Variants in GRID2 observed in about 807,000 individuals in gnomAD.
GRID2 encodes glutamate receptor ionotropic, delta-2.
A neutral mutation model predicts 114.8 loss-of-function variants in GRID2; 33 were observed. That is an observed-to-expected ratio of 0.29 (90% CI 0.22 to 0.38). GRID2 has a LOEUF of 0.38. Ranked by LOEUF, GRID2 falls within the 10% of genes least tolerant of loss-of-function variation. The probability of loss-of-function intolerance (pLI) is 1.00; values close to 1 mark genes in which losing one functional copy is unlikely to be tolerated. For synonymous variants in GRID2, 505 were observed against 449.9 expected (o/e 1.12, Z -1.55); for missense variants, 1,184 against 1,257.7 (o/e 0.94, Z 0.89).
chr4:93,244,158 C>T (rs1179782150), intron 8 of GRID2, among the ~76,000 whole-genome samples: 1 of 151,962 alleles, frequency 6.6e-6, no homozygotes, highest in African/African-American at 2.4e-5. Flanking sequence ...TTATTGCAGA[C>T]TGAATTCCAG....
intron 2 of GRID2, among the ~76,000 whole-genome samples, chr4:93,080,553 C>G (rs977812999): frequency 6.6e-6 from 1 of 152,096 alleles, no homozygotes. Context: ...AAACTAGAAA[C>G]TCTAGGAGTA....
chr4:92,569,933 T>C (rs1181088422), intron 1 of GRID2, among the ~76,000 whole-genome samples: 1 of 152,174 alleles, frequency 6.6e-6, no homozygotes, highest in Non-Finnish European at 1.5e-5. Flanking sequence ...GTTGATACTT[T>C]CTTTTGCTGT....
chr4:93,108,733 C>T (rs778851660), intron 3 of GRID2, among the ~76,000 whole-genome samples: 1 of 151,394 alleles, frequency 6.6e-6, no homozygotes, highest in African/African-American at 2.4e-5. Context: ...CGGGTTCAAG[C>T]GATTCTTCTG....
intron 1 of GRID2, among the ~76,000 whole-genome samples, chr4:92,577,883 T>C (rs1316964863): frequency 6.6e-6 from 1 of 151,996 alleles, no homozygotes; most frequent in Non-Finnish European, 1.5e-5. Context: ...TGGTTAGAGA[T>C]ATACATTTTG....
intron 14 of GRID2, among the ~76,000 whole-genome samples, chr4:93,637,844 G>A (rs1370513003): frequency 6.6e-6 from 1 of 151,994 alleles, no homozygotes; most frequent in East Asian, 1.9e-4. Flanking sequence ...TTAATTGGTG[G>A]AATTCGTAAT....
At chr4:93,536,744 C>G (rs1036305988) in intron 13 of GRID2, among the ~76,000 whole-genome samples, 1 of 149,406 alleles carries the variant, frequency 6.7e-6, no homozygotes, top group Admixed American at 6.7e-5. Context: ...CTGGTCATGG[C>G]TGAAAAAGAG....
intron 2 of GRID2, among the ~76,000 whole-genome samples, chr4:93,006,446 AG>A (rs1236498805): frequency 6.6e-6 from 1 of 152,066 alleles, no homozygotes; most frequent in Non-Finnish European, 1.5e-5. Context: ...ATAGAAAAGA[AG>A]GTGTTTGAAA....
chr4:93,460,366 T>G lies in GRID2; in HGVS notation c.1858+4392T>G, dbSNP rs7674069. Among the ~76,000 whole-genome samples, 453 of 152,320 alleles carry G rather than the reference T, an allele frequency of 3.0e-3. 1 individual carries two copies. The highest frequency in any genetic ancestry group is 0.01 in the African/African-American group (436 of 41,574). ...AGACTCTTTCCTAACTCTTCACCTTTGTATCTGCTCTTTCCAATTCCTTGA... is the reference window on the plus strand; with the variant it reads ...AGACTCTTTCCTAACTCTTCACCTTGGTATCTGCTCTTTCCAATTCCTTGA... On this transcript the variant is annotated intron_variant, in intron 11 of 15. Coordinates refer to ENST00000282020, the MANE Select transcript of GRID2 (RefSeq NM_001510.4).
chr4:93,650,333 T>TA lies in GRID2; in HGVS notation c.2360+23899dup, dbSNP rs570362648. Reference sequence around the variant, plus strand: ...TTTTTTTCTGAGATTATATCCTTTTTATATTTGGGGAATTATATGTTATTT... The same window carrying TA: ...TTTTTTTCTGAGATTATATCCTTTTTAATATTTGGGGAATTATATGTTATTT... On this transcript the variant is annotated intron_variant, in intron 14 of 15. Transcript: ENST00000282020. 1.4e-4 allele frequency among the ~76,000 whole-genome samples: 21 copies of TA among 152,316 alleles called. No individual in the cohort carries two copies. The South Asian group carries it at 4.1e-3, about 30-fold the overall frequency.
chr4:93,318,945 A>ACT (rs1756955633), intron 8 of GRID2: 1 of 152,004 alleles, frequency 6.6e-6, no homozygotes, highest in African/African-American at 2.4e-5. Flanking sequence ...ATGTTGAACA[A>ACT]CTCGTTCTCT....
intron 1 of GRID2, among the ~76,000 whole-genome samples, chr4:92,457,935 A>AT (rs777464120): frequency 1.8e-4 from 27 of 152,164 alleles, no homozygotes; most frequent in East Asian, 1.9e-4. Context: ...GCCATTGTAA[A>AT]TTTTTTTGCA....
chr4:93,784,645 TAC>T lies in GRID2; in HGVS notation c.221+15224_221+15225del, dbSNP rs59896203. On this transcript the variant is annotated intron_variant, in intron 1 of 1. Transcript: ENST00000637838. ...TTTTATATTTTCAGAGTCCTTTTTA[TAC>T]ACACACACACACACACACACACACA... 7.0e-3 allele frequency among the ~76,000 whole-genome samples: 1,030 copies of T among 147,704 alleles called. 15 individuals are homozygous for T. Among genetic ancestry groups the T allele is most frequent in the African/African-American group, 0.023 (907 of 40,084 alleles).
chr4:92,458,579 A>G (rs932659909), intron 1 of GRID2, among the ~76,000 whole-genome samples: 1 of 152,166 alleles, frequency 6.6e-6, no homozygotes, highest in Non-Finnish European at 1.5e-5. Context: ...TCCCTTTATA[A>G]TAGGTTCGTG....
intron 1 of GRID2, among the ~76,000 whole-genome samples, chr4:92,320,111 A>T (rs1304042273): frequency 6.6e-6 from 1 of 152,152 alleles, no homozygotes; most frequent in Non-Finnish European, 1.5e-5. Flanking sequence ...CGGGAGAGAA[A>T]TGGAGTTCAG....
chr4:93,706,654 G>T (rs1728025801), intron 14 of GRID2, among the ~76,000 whole-genome samples: 1 of 152,022 alleles, frequency 6.6e-6, no homozygotes, highest in Admixed American at 6.6e-5. Flanking sequence ...CATATCATCT[G>T]TAAAAAAAGG....
rs1291179582 is a variant in GRID2 at position 93,645,265 on chromosome 4, A to G, written c.2360+18830A>G. Reference sequence around the variant, plus strand: ...CTGAGAGATCAAGAAGTCATTAACAAAAGAGAAGCCAGAAGAGGAAACTGG... The same window carrying G: ...CTGAGAGATCAAGAAGTCATTAACAGAAGAGAAGCCAGAAGAGGAAACTGG... On this transcript the variant is annotated intron_variant, in intron 14 of 15. Coordinates refer to ENST00000282020, the MANE Select transcript of GRID2 (RefSeq NM_001510.4). Among the ~76,000 whole-genome samples, 3 of 152,200 alleles carry G rather than the reference A, an allele frequency of 2.0e-5. No individual in the cohort carries two copies. The East Asian group carries it at 5.8e-4, about 29-fold the overall frequency.
At chr4:92,946,944 G>T (rs570502316) in intron 2 of GRID2, among the ~76,000 whole-genome samples, 21 of 152,030 alleles carry the variant, frequency 1.4e-4, no homozygotes, top group East Asian at 3.9e-4. Context: ...CTATTCCATT[G>T]GTAAAAGGGT....
At chr4:93,343,142 C>CTGTGTGTGTG (rs150132437) in intron 8 of GRID2, among the ~76,000 whole-genome samples, 65 of 40,192 alleles carry the variant, frequency 1.6e-3, no homozygotes, top group South Asian at 4.3e-3. Flanking sequence ...TGTGAGGTGA[C>CTGTGTGTGTG]TGTGTGTGTG....
At chr4:92,816,187 T>C (rs541261093) in intron 2 of GRID2, among the ~76,000 whole-genome samples, 2 of 150,964 alleles carry the variant, frequency 1.3e-5, no homozygotes, top group African/African-American at 2.4e-5. Flanking sequence ...TGGTGGCACA[T>C]GCGTGCAATC....
Sources: allele counts gnomAD v4.1 joint callset (sites outside exome capture counted in the v4.1 genomes callset), GRCh38; gene constraint gnomAD v4.1.1; transcripts MANE v1.5; gene names NCBI Gene and HGNC (gene_info 2026-07-23, HGNC 2026-07-21).